Variants in GSE1 observed in about 807,000 individuals in gnomAD.
GSE1 encodes the protein genetic suppressor element 1.
Under a neutral mutation model 112.6 loss-of-function variants are expected in GSE1, and 32 were observed. That is an observed-to-expected ratio of 0.28 (90% CI 0.21 to 0.38). The LOEUF is 0.38. Ranked by LOEUF, GSE1 falls within the 10% of genes least tolerant of loss-of-function variation. GSE1 has a pLI of 1.00. For missense variants in GSE1, 2,348 were observed against 1,699.2 expected, an observed-to-expected ratio of 1.38 and a Z score of -6.71; for synonymous variants, 1,115 against 735.6, an observed-to-expected ratio of 1.52 and a Z score of -8.35.
intron 2 of GSE1, among the ~76,000 whole-genome samples, chr16:85,431,730 C>T (rs1322518358): frequency 6.6e-6 from 1 of 152,210 alleles, no homozygotes; most frequent in Non-Finnish European, 1.5e-5. Flanking sequence ...GCACTCTGAG[C>T]ACCCAGGGCC....
chr16:85,657,261 G>T lies in GSE1; in HGVS notation c.1313-16G>T. 6.6e-7 allele frequency: 1 copy of T among 1,511,670 alleles called. No homozygotes were observed. Among genetic ancestry groups the T allele is most frequent in the Non-Finnish European group, 8.9e-7 (1 of 1,124,928 alleles). The allele number at this position is 1,511,670 out of a possible 1,614,324, so 93.6% of individuals were successfully genotyped here. On this transcript the variant is annotated splice_polypyrimidine_tract_variant and intron_variant, in intron 7 of 15. Transcript: ENST00000253458. ...CACGTGGCTGAGATCCTGCTTGACC[G>T]TGTTTCCCCCCACAGAGAAGCTGAA...
chr16:85,608,792 G>C (rs1321698129), upstream of GSE1, among the ~76,000 whole-genome samples: 1 of 152,234 alleles, frequency 6.6e-6, no homozygotes, highest in Non-Finnish European at 1.5e-5. Flanking sequence ...AATGGCACAG[G>C]TGATCTTTAC....
At chr16:85,644,343 C>CAAAA (rs749279315) in intron 2 of GSE1, among the ~76,000 whole-genome samples, 1 of 119,686 alleles carries the variant, frequency 8.4e-6, no homozygotes, top group African/African-American at 3.1e-5. Context: ...GATCCTGTCT[C>CAAAA]AAAAAAAAAA....
intron 1 of GSE1, among the ~76,000 whole-genome samples, chr16:85,313,032 A>G (rs1001416985): frequency 6.6e-6 from 1 of 152,144 alleles, no homozygotes; most frequent in Non-Finnish European, 1.5e-5. Context: ...AGGAGGAGCC[A>G]CTGCCCGGCT....
intron 1 of GSE1, among the ~76,000 whole-genome samples, chr16:85,352,240 A>G (rs2046865559): frequency 6.6e-6 from 1 of 152,216 alleles, no homozygotes; most frequent in African/African-American, 2.4e-5. Flanking sequence ...ATAACAATGC[A>G]GGATCTCATT....
chr16:85,243,199 C>T (rs1905297917), intron 1 of GSE1, among the ~76,000 whole-genome samples: 1 of 152,230 alleles, frequency 6.6e-6, no homozygotes, highest in Non-Finnish European at 1.5e-5. Flanking sequence ...TGACCACACA[C>T]TTTGGCACTT....
intron 2 of GSE1, among the ~76,000 whole-genome samples, chr16:85,497,265 C>T (rs777062150): frequency 4.6e-5 from 7 of 152,168 alleles, no homozygotes; most frequent in African/African-American, 7.2e-5. Flanking sequence ...GGTGGGCGCA[C>T]CTCTGGTGTT....
chr16:85,303,602 C>A (rs2045585011), intron 1 of GSE1, among the ~76,000 whole-genome samples: 1 of 152,244 alleles, frequency 6.6e-6, no homozygotes. Context: ...GACAGGAAGA[C>A]TGAGTCTCAG....
chr16:85,600,279 C>T (rs1236576841), intron 1 of GSE1, among the ~76,000 whole-genome samples: 1 of 152,212 alleles, frequency 6.6e-6, no homozygotes, highest in Non-Finnish European at 1.5e-5. Flanking sequence ...AGGAATAGAA[C>T]TCCTGAGCCG....
intron 1 of GSE1, among the ~76,000 whole-genome samples, chr16:85,319,645 C>T (rs555780446): frequency 2.6e-5 from 4 of 152,296 alleles, no homozygotes; most frequent in South Asian, 4.1e-4. Context: ...CCCATAGGGC[C>T]CTCGAACACC....
chr16:85,259,838 G>A (rs1345586724), intron 1 of GSE1, among the ~76,000 whole-genome samples: 1 of 152,232 alleles, frequency 6.6e-6, no homozygotes. Flanking sequence ...GGCTCAGGGA[G>A]TCCATGGGTG....
Position 85,666,015 on chromosome 16 carries a change from C to T in GSE1, c.2798C>T (p.Pro933Leu), listed in dbSNP as rs373547364. 4.5e-5 allele frequency: 72 copies of T among 1,613,422 alleles called. No individual in the cohort carries two copies. In the East Asian group the frequency reaches 4.9e-4, roughly 11 times the overall value. ...TQQASLDVEK[P>L]VGVAASLSDI... ...CAAGCCTCTCTGGATGTGGAGAAGC[C>T]GGTTGGTGTTGCTGCTTCCTTGTCT... Residue 933 changes from proline (P) to leucine (L), a missense_variant, in exon 13 of 16, where the codon CCG (proline) becomes CTG (leucine). Pro to Leu is a moderately conservative substitution (Grantham distance 98). Transcript: ENST00000253458.
chr16:85,292,228 T>G (rs565692322), intron 1 of GSE1, among the ~76,000 whole-genome samples: 2 of 150,824 alleles, frequency 1.3e-5, no homozygotes, highest in East Asian at 3.9e-4. Context: ...ATCCTCCGCC[T>G]CCTGGGTTAA....
chr16:85,383,183 T>G (rs2151626053), intron 2 of GSE1, among the ~76,000 whole-genome samples: 1 of 150,532 alleles, frequency 6.6e-6, no homozygotes, highest in East Asian at 2.0e-4. Context: ...ACAGTGCACA[T>G]TTGCACACAC....
chr16:85,535,517 G>C (rs1468898287), intron 2 of GSE1, among the ~76,000 whole-genome samples: 1 of 152,244 alleles, frequency 6.6e-6, no homozygotes, highest in African/African-American at 2.4e-5. Flanking sequence ...AGAGGGTAAA[G>C]GTTGGCCTCC....
At chr16:85,489,618 C>T (rs905737935) in intron 2 of GSE1, among the ~76,000 whole-genome samples, 2 of 147,790 alleles carry the variant, frequency 1.4e-5, no homozygotes, top group African/African-American at 4.9e-5. Context: ...GAAGTTGCTA[C>T]GCGGCCCGCG....
At chr16:85,231,928 G>A (rs558226575) in intron 1 of GSE1, among the ~76,000 whole-genome samples, 3 of 152,354 alleles carry the variant, frequency 2.0e-5, no homozygotes, top group African/African-American at 7.2e-5. Flanking sequence ...GTTGACATCT[G>A]GTGGGTGTCT....
intron 2 of GSE1, among the ~76,000 whole-genome samples, chr16:85,420,046 C>G (rs2048796583): frequency 6.6e-6 from 1 of 152,120 alleles, no homozygotes. Context: ...AGTCCCTGCC[C>G]TAAAGTGTCT....
chr16:85,344,234 G>A (rs1046193282), intron 1 of GSE1, among the ~76,000 whole-genome samples: 1 of 152,200 alleles, frequency 6.6e-6, no homozygotes, highest in Non-Finnish European at 1.5e-5. Context: ...GAAAGGGTAC[G>A]GTCCCTGGCT....
Sources: gnomAD v4.1 joint callset for allele counts (sites outside exome capture counted in the v4.1 genomes callset) on GRCh38, gnomAD v4.1.1 for gene constraint, MANE v1.5 for transcripts, NCBI Gene and HGNC (gene_info 2026-07-23, HGNC 2026-07-21) for gene names.